The following NCOA1 variants were observed in gnomAD, a reference collection of about 807,000 sequenced individuals.
NCOA1 encodes the protein nuclear receptor coactivator 1, also known as Hin-2 protein.
A neutral mutation model predicts 150.9 loss-of-function variants in NCOA1; 35 were observed. That is an observed-to-expected ratio of 0.23 (90% CI 0.18 to 0.31). The LOEUF (loss-of-function observed/expected upper bound fraction) is 0.31, where lower values mean the gene tolerates loss of function less well. NCOA1 is among the 10% of genes least tolerant of loss of function. The pLI is 1.00. For missense variants in NCOA1, 1,491 were observed against 1,749.3 expected, an observed-to-expected ratio of 0.85 and a Z score of 2.63; for synonymous variants, 590 against 630.0, an observed-to-expected ratio of 0.94 and a Z score of 0.95.
Position 24,659,036 on chromosome 2 carries a change from A to G in NCOA1, c.89+270A>G, listed in dbSNP as rs768219319. 147 of 347,886 alleles carry G rather than the reference A, an allele frequency of 4.2e-4. 1 individual carries two copies. Among genetic ancestry groups the G allele is most frequent in the Non-Finnish European group, 7.0e-4 (130 of 184,726 alleles). The allele number at this position is 347,886 out of a possible 1,614,324, so 21.5% of individuals were successfully genotyped here. A position where few individuals can be genotyped will look rare whatever the true frequency, so the allele number is the denominator to read the frequency against. ...TTAAAGAGAGCCTTCTCTTCCTTCC[A>G]TAACTGTTAGATCAAGTTCCTCCAT... On this transcript the variant is annotated intron_variant, in intron 5 of 22. Transcript: ENST00000348332.
intron 6 of NCOA1, among the ~76,000 whole-genome samples, chr2:24,666,316 CT>C (rs1190986871): frequency 3.9e-5 from 6 of 151,946 alleles, no homozygotes; most frequent in African/African-American, 1.5e-4. Flanking sequence ...ACCTGGCCTA[CT>C]TTTTTATTAT....
In NCOA1 at chr2:24,506,005, A is replaced by G. The variant is rs375815097; in HGVS notation, c.-396+14403A>G. Among the ~76,000 whole-genome samples the G allele has an allele frequency of 7.4e-4, 112 of 152,010 alleles. 1 individual carries two copies. The highest frequency in any genetic ancestry group is 6.5e-4 in the Non-Finnish European group (44 of 67,970). ...ACACTCACTCTCACATGCTTGAATG[A>G]GTGAGCATTGGGAGCCATTGGAGCC... On this transcript the variant is annotated intron_variant, in intron 1 of 22. Transcript: ENST00000348332.
At chr2:24,716,199 T>C (rs1674033229) in intron 14 of NCOA1, among the ~76,000 whole-genome samples, 1 of 151,188 alleles carries the variant, frequency 6.6e-6, no homozygotes, top group African/African-American at 2.4e-5. Flanking sequence ...TTGACAAGCT[T>C]TTTCTAAAGT....
In NCOA1 at chr2:24,742,022, C is replaced by G; in HGVS notation, c.3542C>G (p.Pro1181Arg). The G allele has an allele frequency of 6.2e-7, 1 of 1,614,254 alleles. No homozygotes were observed. The highest frequency in any genetic ancestry group is 1.1e-5 in the South Asian group (1 of 91,086). ...TATGGTACAAATCCAGGAACCCCAC[C>G]TGCTTCTACCAGCCCGTTTTCACAA... ...PNYGTNPGTP[P>R]ASTSPFSQLA... is the part of the protein sequence containing the mutation. Residue 1181 changes from proline (P) to arginine (R), a missense_variant, in exon 19 of 23, where the codon CCT (proline) becomes CGT (arginine). By Grantham distance (103) the Pro-to-Arg change is moderately radical. Transcript: ENST00000348332.
intron 1 of NCOA1, among the ~76,000 whole-genome samples, chr2:24,561,906 A>G (rs1315693996): frequency 1.3e-5 from 2 of 152,164 alleles, no homozygotes; most frequent in African/African-American, 4.8e-5. Flanking sequence ...AAAAGAAGAA[A>G]CTTTGTAAAC....
chr2:24,533,652 A>C (rs563838635), intron 1 of NCOA1, among the ~76,000 whole-genome samples: 23 of 152,196 alleles, frequency 1.5e-4, no homozygotes, highest in Non-Finnish European at 3.1e-4. Context: ...AGTTTTTAGC[A>C]TGAAGGGCTG....
At chr2:24,660,755 A>G (rs1572556027) in intron 5 of NCOA1, among the ~76,000 whole-genome samples, 1 of 152,144 alleles carries the variant, frequency 6.6e-6, no homozygotes, top group Non-Finnish European at 1.5e-5. Context: ...CATATCTCCT[A>G]TTTTATACAT....
chr2:24,569,338 A>G (rs145023843), intron 2 of NCOA1, among the ~76,000 whole-genome samples: 10 of 152,234 alleles, frequency 6.6e-5, no homozygotes, highest in African/African-American at 2.4e-4. Flanking sequence ...TATACTTGCT[A>G]CTGATATTGT....
chr2:24,588,645 A>G (rs753633214), intron 3 of NCOA1, among the ~76,000 whole-genome samples: 11 of 152,174 alleles, frequency 7.2e-5, no homozygotes, highest in Admixed American at 2.6e-4. Flanking sequence ...ACTGGCCATC[A>G]TTGGTGTTTT....
intron 15 of NCOA1, among the ~76,000 whole-genome samples, 183 bp from the exon 16 acceptor site, chr2:24,728,125 C>T (rs908767725): frequency 1.3e-5 from 2 of 152,196 alleles, no homozygotes; most frequent in Non-Finnish European, 2.9e-5. Context: ...TATATTCAAG[C>T]TACATACCAA....
intron 5 of NCOA1, among the ~76,000 whole-genome samples, chr2:24,662,913 G>A (rs1671249421): frequency 6.6e-6 from 1 of 151,434 alleles, no homozygotes; most frequent in African/African-American, 2.4e-5. Context: ...TCAGCCTCCT[G>A]AGTAACTAGG....
chr2:24,685,990 G>C (rs921841953), intron 8 of NCOA1, among the ~76,000 whole-genome samples: 11 of 152,036 alleles, frequency 7.2e-5, no homozygotes, highest in African/African-American at 2.7e-4. Flanking sequence ...CAGTAGGATA[G>C]TTCCGTTTTT....
At chr2:24,500,475 T>C (rs1558744775) in intron 1 of NCOA1, among the ~76,000 whole-genome samples, 5 of 152,226 alleles carry the variant, frequency 3.3e-5, no homozygotes, top group Admixed American at 6.5e-5. Context: ...AGATGTTTCT[T>C]CTCTTTCAGT....
At chr2:24,657,885 G>A (rs1435922507) in intron 4 of NCOA1, among the ~76,000 whole-genome samples, 1 of 152,194 alleles carries the variant, frequency 6.6e-6, no homozygotes, top group African/African-American at 2.4e-5. Context: ...AGGTAGTGAT[G>A]ATTGTAAGAC....
In NCOA1 at chr2:24,587,360, A is replaced by G. The variant is rs181206421; in HGVS notation, c.-175+2800A>G. Among the ~76,000 whole-genome samples the G allele has an allele frequency of 9.9e-5, 15 of 152,252 alleles. No individual in the cohort carries two copies. The East Asian group carries it at 2.3e-3, about 23-fold the overall frequency. The stretch of plus-strand genomic sequence containing the variant: ...TTGACTTTCTTCTCCAACGCACCTG[A>G]CATTGTTATTTTTCAGTTTTCAAGA... On this transcript the variant is annotated intron_variant, in intron 3 of 22. Coordinates refer to ENST00000348332, the MANE Select transcript of NCOA1 (RefSeq NM_003743.5).
At chr2:24,718,517 T>G (rs371038359) in intron 14 of NCOA1, among the ~76,000 whole-genome samples, 47 of 151,986 alleles carry the variant, frequency 3.1e-4, no homozygotes, top group African/African-American at 1.1e-3. Flanking sequence ...ACTACAAATA[T>G]CCATACAGTT....
chr2:24,721,048 T>C (rs1674336274), intron 14 of NCOA1, among the ~76,000 whole-genome samples: 1 of 152,222 alleles, frequency 6.6e-6, no homozygotes, highest in Non-Finnish European at 1.5e-5. Context: ...TTTTCTCTTA[T>C]ACTTTTCTTT....
Position 24,658,719 on chromosome 2 carries a change from A to G in NCOA1, c.42A>G (p.Pro14=). 1 of 1,614,090 alleles carries G rather than the reference A, an allele frequency of 6.2e-7. No individual in the cohort carries two copies. The highest frequency in any genetic ancestry group is 1.3e-5 in the African/African-American group (1 of 75,042). The change falls in exon 5 of 23, where the codon CCA becomes CCG. Residue 14 remains proline (P), a synonymous_variant. Transcript: ENST00000348332. The part of the protein sequence containing the change: ...LGDSSSDPAN[P]DSHKRKGSPC... Reference sequence around the variant, plus strand: ...ACAGTTCATCCGACCCTGCTAACCCAGACTCACATAAGAGGAAAGGATCGC... The same window carrying G: ...ACAGTTCATCCGACCCTGCTAACCCGGACTCACATAAGAGGAAAGGATCGC...
chr2:24,581,980 A>T (rs542699932), intron 2 of NCOA1, among the ~76,000 whole-genome samples: 1 of 152,342 alleles, frequency 6.6e-6, no homozygotes, highest in African/African-American at 2.4e-5. Context: ...GCCATATATG[A>T]CAAACCCACA....
Sources: allele counts gnomAD v4.1 joint callset (sites outside exome capture counted in the v4.1 genomes callset), GRCh38; gene constraint gnomAD v4.1.1; transcripts MANE v1.5; gene names NCBI Gene and HGNC (gene_info 2026-07-23, HGNC 2026-07-21).